The following SNX29 variants were observed in gnomAD, a reference collection of about 807,000 sequenced individuals.
SNX29 encodes sorting nexin-29.
SNX29 carries 78 observed loss-of-function variants against 102.1 expected under a neutral mutation model. The ratio of observed to expected loss-of-function variants is 0.76; its 90% CI spans 0.64 to 0.92. The LOEUF (loss-of-function observed/expected upper bound fraction) is 0.92. Ranked by LOEUF, SNX29 falls within the 40% of genes least tolerant of loss-of-function variation. SNX29 has a pLI of 0.00. For synonymous variants in SNX29, 580 were observed against 414.5 expected, an observed-to-expected ratio of 1.40 and a Z score of -4.85; for missense variants, 1,280 against 1,061.7, an observed-to-expected ratio of 1.21 and a Z score of -2.86.
chr16:12,387,136 A>T (rs1054259030), intron 16 of SNX29, among the ~76,000 whole-genome samples: 5 of 145,884 alleles, frequency 3.4e-5, no homozygotes, highest in Admixed American at 1.4e-4. Context: ...TTAAAAAAAT[A>T]AAAAAAAAAG....
At chr16:12,429,666 G>A (rs929917573) in intron 18 of SNX29, among the ~76,000 whole-genome samples, 6 of 152,234 alleles carry the variant, frequency 3.9e-5, no homozygotes, top group Non-Finnish European at 7.4e-5. Context: ...CCACCATCAC[G>A]CTGTCATATC....
At chr16:12,135,185 A>T (rs982158981) in intron 13 of SNX29, among the ~76,000 whole-genome samples, 8 of 152,232 alleles carry the variant, frequency 5.3e-5, no homozygotes, top group Admixed American at 3.3e-4. Context: ...CAGTCCACAA[A>T]TTCACATGCT....
At chr16:12,133,279 G>A (rs1246846335) in intron 13 of SNX29, among the ~76,000 whole-genome samples, 1 of 116,370 alleles carries the variant, frequency 8.6e-6, no homozygotes, top group Non-Finnish European at 1.7e-5. Context: ...TCCTTAGTGT[G>A]GGTTTTTTTT....
At chr16:12,549,487 TCACACATA>T (rs1308955538) in intron 20 of SNX29, among the ~76,000 whole-genome samples, 2 of 132,014 alleles carry the variant, frequency 1.5e-5, no homozygotes, top group Non-Finnish European at 3.1e-5. Flanking sequence ...AGGAAGATCC[TCACACATA>T]CAAAGATGTT....
intron 18 of SNX29, among the ~76,000 whole-genome samples, chr16:12,460,751 G>T (rs1046694184): frequency 6.6e-6 from 1 of 150,470 alleles, no homozygotes; most frequent in Middle Eastern, 3.2e-3. Context: ...TCCGCCTCCC[G>T]GGTTCAAGCA....
chr16:12,539,710 T>A (rs1398483567), intron 20 of SNX29, among the ~76,000 whole-genome samples: 1 of 152,220 alleles, frequency 6.6e-6, no homozygotes, highest in East Asian at 1.9e-4. Context: ...ACTGTCATGA[T>A]TCTTTACTGT....
At chr16:12,072,009 A>G (rs2051322712) in intron 10 of SNX29, among the ~76,000 whole-genome samples, 1 of 152,186 alleles carries the variant, frequency 6.6e-6, no homozygotes, top group South Asian at 2.1e-4. Flanking sequence ...ATTTTTGTAC[A>G]TTGATTTTGT....
intron 10 of SNX29, among the ~76,000 whole-genome samples, chr16:12,076,352 G>C (rs2051569512): frequency 6.7e-6 from 1 of 150,344 alleles, no homozygotes. Context: ...CCAGGCTGGA[G>C]TGCAGTGGCA....
intron 14 of SNX29, among the ~76,000 whole-genome samples, chr16:12,247,140 C>T (rs575313547): frequency 2.4e-4 from 36 of 152,252 alleles, no homozygotes; most frequent in African/African-American, 7.5e-4. Flanking sequence ...GATCACCTTC[C>T]CTATACGACG....
chr16:12,530,612 G>A (rs1328732743), intron 20 of SNX29, among the ~76,000 whole-genome samples: 1 of 151,862 alleles, frequency 6.6e-6, no homozygotes, highest in African/African-American at 2.4e-5. Context: ...CTAGAGTGCA[G>A]TGGCGCAATC....
At chr16:12,362,412 T>G (rs1293189015) in intron 16 of SNX29, among the ~76,000 whole-genome samples, 1 of 152,220 alleles carries the variant, frequency 6.6e-6, no homozygotes, top group African/African-American at 2.4e-5. Context: ...CTCCACCTGC[T>G]GCAGGAATAT....
At chr16:12,390,816 T>A (rs1179248367) in intron 16 of SNX29, among the ~76,000 whole-genome samples, 1 of 151,636 alleles carries the variant, frequency 6.6e-6, no homozygotes, top group Non-Finnish European at 1.5e-5. Flanking sequence ...GTGGAGTGGC[T>A]TATTCTCGGC....
intron 8 of SNX29, among the ~76,000 whole-genome samples, chr16:12,059,319 G>A (rs1256079089): frequency 1.3e-5 from 2 of 152,174 alleles, no homozygotes; most frequent in African/African-American, 4.8e-5. Flanking sequence ...TGCCGGCTCC[G>A]TGGTCACCAG....
chr16:12,063,484 C>T (rs1399482693), intron 9 of SNX29, among the ~76,000 whole-genome samples: 4 of 148,516 alleles, frequency 2.7e-5, no homozygotes, highest in African/African-American at 9.9e-5. Flanking sequence ...AAGTGATTCT[C>T]CTGCCTCAGC....
intron 15 of SNX29, among the ~76,000 whole-genome samples, chr16:12,306,508 G>A (rs1299958747): frequency 5.9e-5 from 9 of 152,166 alleles, no homozygotes; most frequent in African/African-American, 2.2e-4. Flanking sequence ...TGGAGAATTA[G>A]CGTATTACAG....
intron 13 of SNX29, among the ~76,000 whole-genome samples, chr16:12,154,409 T>G (rs536336215): frequency 1.3e-5 from 2 of 152,054 alleles, no homozygotes; most frequent in South Asian, 2.1e-4. Flanking sequence ...AAGCAGGCTG[T>G]TTTTTTTGGA....
At chr16:12,048,903 T>C (rs2050195299) in intron 7 of SNX29, among the ~76,000 whole-genome samples, 1 of 152,202 alleles carries the variant, frequency 6.6e-6, no homozygotes, top group Non-Finnish European at 1.5e-5. Flanking sequence ...TGATCCTCAT[T>C]CATTAATTCC....
At chr16:12,524,241 C>G (rs576812071) in intron 19 of SNX29, among the ~76,000 whole-genome samples, 4 of 152,204 alleles carry the variant, frequency 2.6e-5, no homozygotes, top group South Asian at 4.1e-4. Context: ...TTTCGAGAAA[C>G]TCCCCTGAAG....
At chr16:12,059,853 T>C (rs1328533801) in intron 8 of SNX29, among the ~76,000 whole-genome samples, 1 of 152,198 alleles carries the variant, frequency 6.6e-6, no homozygotes, top group Non-Finnish European at 1.5e-5. Flanking sequence ...CTCGGTGCAC[T>C]TGAGTTTGGA....
Sources: allele counts gnomAD v4.1 joint callset (sites outside exome capture counted in the v4.1 genomes callset), GRCh38; gene constraint gnomAD v4.1.1; transcripts MANE v1.5; gene names NCBI Gene and HGNC (gene_info 2026-07-23, HGNC 2026-07-21).